The following KIF16B variants were observed in gnomAD, a reference collection of about 807,000 sequenced individuals.
KIF16B encodes kinesin family member 16B.
In KIF16B, 98 loss-of-function variants were observed where a neutral mutation model predicts 156.3. The observed-to-expected ratio is 0.63, with a 90% CI of 0.53 to 0.74. The LOEUF (loss-of-function observed/expected upper bound fraction) is 0.74. Among genes scored for constraint, KIF16B ranks in the 30% least tolerant of loss-of-function variants. The probability of loss-of-function intolerance (pLI) is 0.00; values close to 1 mark genes in which losing one functional copy is unlikely to be tolerated. For missense variants in KIF16B, 1,421 were observed against 1,606.5 expected (o/e 0.88, Z 1.97); for synonymous variants, 564 against 583.7 (o/e 0.97, Z 0.49).
chr20:16,347,951 C>G (rs1365524278), intron 23 of KIF16B, among the ~76,000 whole-genome samples: 1 of 152,140 alleles, frequency 6.6e-6, no homozygotes, highest in Non-Finnish European at 1.5e-5. Context: ...TATTTCTGTT[C>G]TGCCAAATAA....
At chr20:16,329,925 G>A (rs140073464) in intron 24 of KIF16B, among the ~76,000 whole-genome samples, 19 of 152,278 alleles carry the variant, frequency 1.2e-4, no homozygotes, top group African/African-American at 4.1e-4. Context: ...AATAATGTTC[G>A]TATATGATTG....
At chr20:16,432,710 T>TGCGAGAGG (rs750301112) in intron 12 of KIF16B, among the ~76,000 whole-genome samples, 42 of 151,960 alleles carry the variant, frequency 2.8e-4, no homozygotes, top group Non-Finnish European at 4.9e-4. Context: ...CCTGAAGTCA[T>TGCGAGAGG]GCGAGAGGGC....
intron 1 of KIF16B, among the ~76,000 whole-genome samples, chr20:16,541,375 C>G (rs1022351041): frequency 6.6e-6 from 1 of 152,238 alleles, no homozygotes; most frequent in Non-Finnish European, 1.5e-5. Flanking sequence ...GACCTACATC[C>G]AAATGCCAAC....
chr20:16,285,242 G>A (rs2063206066), intron 25 of KIF16B, among the ~76,000 whole-genome samples: 1 of 152,090 alleles, frequency 6.6e-6, no homozygotes, highest in African/African-American at 2.4e-5. Flanking sequence ...TGTGAGTTCT[G>A]AGCATAGAGT....
intron 12 of KIF16B, among the ~76,000 whole-genome samples, chr20:16,445,578 A>G (rs2066911352): frequency 6.6e-6 from 1 of 152,022 alleles, no homozygotes; most frequent in African/African-American, 2.4e-5. Context: ...CATAATCAGG[A>G]GCAGCCTTGA....
chr20:16,321,349 CAT>C (rs1322878857), intron 24 of KIF16B, among the ~76,000 whole-genome samples: 1 of 151,744 alleles, frequency 6.6e-6, no homozygotes, highest in East Asian at 1.9e-4. Flanking sequence ...AAATTAACAC[CAT>C]ATGTCTTTTT....
chr20:16,461,893 C>T (rs1489544321), intron 12 of KIF16B, among the ~76,000 whole-genome samples: 4 of 152,102 alleles, frequency 2.6e-5, no homozygotes, highest in Admixed American at 2.0e-4. Context: ...GTCTTCAAAG[C>T]GGTAGTTTTC....
chr20:16,302,057 A>AT (rs1286854001), intron 25 of KIF16B, among the ~76,000 whole-genome samples: 1 of 152,034 alleles, frequency 6.6e-6, no homozygotes, highest in Non-Finnish European at 1.5e-5. Flanking sequence ...TTTTGCAAAT[A>AT]TTTTTTCTCA....
intron 1 of KIF16B, among the ~76,000 whole-genome samples, chr20:16,550,528 CT>C (rs745923425): frequency 0.032 from 3,309 of 103,430 alleles, 62 homozygotes; most frequent in African/African-American, 0.1. Flanking sequence ...ATGAAACATT[CT>C]TTTTTTTTTT....
intron 1 of KIF16B, among the ~76,000 whole-genome samples, chr20:16,555,055 A>G (rs1187603579): frequency 1.3e-5 from 2 of 152,254 alleles, no homozygotes; most frequent in African/African-American, 4.8e-5. Flanking sequence ...GAGTGGACAG[A>G]ATGAGCCTGA....
chr20:16,515,175 G>A (rs1039454824), intron 4 of KIF16B, among the ~76,000 whole-genome samples: 2 of 151,628 alleles, frequency 1.3e-5, no homozygotes. Context: ...CATTTTTCTT[G>A]GGGAAAAATG....
intron 22 of KIF16B, among the ~76,000 whole-genome samples, chr20:16,365,352 T>G (rs910797750): frequency 3.9e-5 from 6 of 152,114 alleles, no homozygotes; most frequent in African/African-American, 1.4e-4. Flanking sequence ...AATGACAAAT[T>G]AGTGACTATT....
chr20:16,397,758 T>C (rs1010341512), intron 17 of KIF16B, among the ~76,000 whole-genome samples: 6 of 152,178 alleles, frequency 3.9e-5, no homozygotes, highest in African/African-American at 1.2e-4. Flanking sequence ...ACCAAACTTG[T>C]AGAAACACAT....
chr20:16,564,290 T>C (rs1006893429), intron 1 of KIF16B, among the ~76,000 whole-genome samples: 4 of 152,244 alleles, frequency 2.6e-5, no homozygotes, highest in Non-Finnish European at 5.9e-5. Flanking sequence ...CTGCATAGTA[T>C]TCCATGGTGT....
intron 23 of KIF16B, among the ~76,000 whole-genome samples, chr20:16,344,351 C>T (rs2064192561): frequency 6.6e-6 from 1 of 152,198 alleles, no homozygotes; most frequent in African/African-American, 2.4e-5. Context: ...TGTGATCTGC[C>T]TCTGCCATCC....
intron 22 of KIF16B, chr20:16,366,947 T>C (rs1243363941): frequency 8.0e-7 from 1 of 1,251,426 alleles, no homozygotes; most frequent in Non-Finnish European, 1.0e-6. Flanking sequence ...AGATATTTTA[T>C]TGGGGCTCTG....
intron 25 of KIF16B, among the ~76,000 whole-genome samples, chr20:16,279,061 G>A (rs1002766004): frequency 6.6e-6 from 1 of 152,112 alleles, no homozygotes; most frequent in African/African-American, 2.4e-5. Flanking sequence ...GGAATGCTTC[G>A]GTATCTCCCT....
At chr20:16,518,951 C>T (rs2147100971) in intron 3 of KIF16B, among the ~76,000 whole-genome samples, 1 of 152,298 alleles carries the variant, frequency 6.6e-6, no homozygotes, top group East Asian at 1.9e-4. Flanking sequence ...TTCTCGTCCA[C>T]ATCCTTAAGA....
chr20:16,485,945 G>A (rs2068102437), intron 12 of KIF16B, among the ~76,000 whole-genome samples: 4 of 151,814 alleles, frequency 2.6e-5, no homozygotes. Context: ...AGTTATCTTT[G>A]TAAGTAAATT....
Sources: gnomAD v4.1 joint callset for allele counts (sites outside exome capture counted in the v4.1 genomes callset) on GRCh38, gnomAD v4.1.1 for gene constraint, MANE v1.5 for transcripts, NCBI Gene and HGNC (gene_info 2026-07-23, HGNC 2026-07-21) for gene names.